FERMT1: variants seen among roughly 807,000 people sequenced by gnomAD.
FERMT1 encodes fermitin family homolog 1.
Under a neutral mutation model 85.3 loss-of-function variants are expected in FERMT1, and 60 were observed. The ratio of observed to expected loss-of-function variants is 0.70; its 90% CI spans 0.57 to 0.87. FERMT1 has a LOEUF of 0.87. FERMT1 is among the 40% of genes least tolerant of loss of function. The pLI, the probability that FERMT1 is intolerant of heterozygous loss-of-function variation, is 0.00. For synonymous variants in FERMT1, 275 were observed against 301.1 expected (o/e 0.91, Z 0.90); for missense variants, 701 against 818.9 (o/e 0.86, Z 1.76).
rs953752873 is a variant in FERMT1 at position 6,104,180 on chromosome 20, A to G, written c.849+3352T>C. On this transcript the variant is annotated intron_variant, in intron 6 of 14. Coordinates refer to ENST00000217289, the MANE Select transcript of FERMT1 (RefSeq NM_017671.5). The surrounding 1 kb of genome is among the most constrained non-coding windows in gnomAD (Gnocchi z 4.2). ...GCCCCTGCGCCCGGCTGAGTCTATT[A>G]TTTTTGAAATGTTGAATTCTAGCAT... Among the ~76,000 whole-genome samples, 4 of 152,084 alleles carry G rather than the reference A, an allele frequency of 2.6e-5. No individual in the cohort carries two copies. Among genetic ancestry groups the G allele is most frequent in the Admixed American group, 1.3e-4 (2 of 15,256 alleles).
In FERMT1 at chr20:6,097,540, A is replaced by G. The variant is rs753075905; in HGVS notation, c.941T>C (p.Ile314Thr). 1.7e-5 allele frequency: 27 copies of G among 1,612,992 alleles called. No homozygotes were observed. The East Asian group carries it at 6.0e-4, about 36-fold the overall frequency. Residue 314 changes from isoleucine (I) to threonine (T), a missense_variant, in exon 7 of 15, where the codon ATC becomes ACC. By Grantham distance (89) the Ile-to-Thr change is moderately conservative (BLOSUM62 -1). Transcript: ENST00000217289. ...EIDCTEEEML[I>T]FAALQYHISK... The stretch of plus-strand genomic sequence containing the variant: ...TTCCCATACCTGTAGAGCTGCAAAG[A>G]TCAACATTTCTTCCTCTGTGCAATC...
intron 2 of FERMT1, among the ~76,000 whole-genome samples, chr20:6,117,777 C>T (rs1983146282): frequency 6.9e-6 from 1 of 145,694 alleles, no homozygotes; most frequent in African/African-American, 2.6e-5. Context: ...GAACTCCTGA[C>T]CTCAGGTGAT....
Position 6,094,947 on chromosome 20 carries a change from T to C in FERMT1, c.1131A>G (p.Lys377=), listed in dbSNP as rs2123115359. 1 of 1,513,700 alleles carries C rather than the reference T, an allele frequency of 6.6e-7. No individual in the cohort carries two copies. Among genetic ancestry groups the C allele is most frequent in the Non-Finnish European group, 9.2e-7 (1 of 1,088,496 alleles). 93.8% of individuals were successfully genotyped at this position (1,513,700 alleles called of 1,614,324 possible). Residue 377 remains lysine (K), a synonymous_variant, in exon 9 of 15, where the codon AAA becomes AAG. Transcript: ENST00000217289. ...TDIPKLADNL[K]LFRPKKLLPK... is the part of the protein sequence containing the mutation. The stretch of plus-strand genomic sequence containing the variant: ...CATAAAAGTTTACTTACCTAAATAA[T>C]TTGAGATTATCTGCAAGTTTAGGGA...
At chr20:6,110,688 G>C (rs1331772915) in intron 4 of FERMT1, among the ~76,000 whole-genome samples, 177 bp from the exon 5 acceptor site, 2 of 152,278 alleles carry the variant, frequency 1.3e-5, no homozygotes, top group East Asian at 3.9e-4. Context: ...CTACTTGGGA[G>C]GCTGAGGTTG....
rs368493929 is a variant in FERMT1 at position 6,076,922 on chromosome 20, G to C, written c.*251C>G. 39 of 541,410 alleles carry C rather than the reference G, an allele frequency of 7.2e-5. No homozygotes were observed. The highest frequency in any genetic ancestry group is 5.9e-4 in the South Asian group (29 of 48,950). 33.5% of individuals were successfully genotyped at this position (541,410 alleles called of 1,614,324 possible). A position where few individuals can be genotyped will look rare whatever the true frequency, so the allele number is the denominator to read the frequency against. On this transcript the variant is annotated 3_prime_UTR_variant, in exon 15 of 15. Transcript: ENST00000217289. ...ATGCTGGGCCTTAGAGCAATCTTAG[G>C]GCACCTGCTTTTCTCCTGCCTACCC... is the stretch of plus-strand genomic sequence containing the variant.
At chr20:6,085,611 A>G (rs938744174) in intron 11 of FERMT1, among the ~76,000 whole-genome samples, 3 of 152,010 alleles carry the variant, frequency 2.0e-5, no homozygotes, top group African/African-American at 7.3e-5. Flanking sequence ...CAACTTTGGG[A>G]GGTTGAGGTG....
chr20:6,095,945 T>C (rs1982487497), intron 8 of FERMT1, among the ~76,000 whole-genome samples: 1 of 152,242 alleles, frequency 6.6e-6, no homozygotes, highest in Non-Finnish European at 1.5e-5. Context: ...TTCAATGTGA[T>C]TAATAATTAT....
chr20:6,079,235 A>G (rs987188444), intron 14 of FERMT1, among the ~76,000 whole-genome samples: 4 of 152,252 alleles, frequency 2.6e-5, no homozygotes, highest in African/African-American at 2.4e-5. Context: ...TTGCAGTGCT[A>G]ATGCAAGAGC....
Position 6,110,529 on chromosome 20 carries a change from C to A in FERMT1, c.533-18G>T. 1 of 1,567,052 alleles carries A rather than the reference C, an allele frequency of 6.4e-7. No individual in the cohort carries two copies. The highest frequency in any genetic ancestry group is 1.1e-5 in the South Asian group (1 of 90,164). ...AGGACTTACTGCAAGGCAGGGGGATCAAGAACTATGATATGAGAATCCAGG... is the reference window on the plus strand; with the variant it reads ...AGGACTTACTGCAAGGCAGGGGGATAAAGAACTATGATATGAGAATCCAGG... On this transcript the variant is annotated intron_variant, in intron 4 of 14. Transcript: ENST00000217289.
At chr20:6,111,573 A>C (rs1478243871) in intron 4 of FERMT1, among the ~76,000 whole-genome samples, 2 of 152,140 alleles carry the variant, frequency 1.3e-5, no homozygotes, top group African/African-American at 2.4e-5. Context: ...CAGAGGCTGC[A>C]ATGAGCCGAG....
intron 10 of FERMT1, among the ~76,000 whole-genome samples, chr20:6,088,484 C>T (rs539103992): frequency 3.9e-5 from 6 of 152,306 alleles, no homozygotes; most frequent in African/African-American, 9.6e-5. Context: ...GTTTACTAGA[C>T]TGCATTCAAG....
At position 6,075,938 on chromosome 20, in the gene FERMT1, C is replaced by T. The variant is rs1455662550; in HGVS notation, c.*1235G>A. On this transcript the variant is annotated 3_prime_UTR_variant, in exon 15 of 15. Transcript: ENST00000217289. ...CAAACCAAAATGGAAAATGACAATT[C>T]AGGCAGCTGTTAATTGGCTCACTCT... 2.0e-5 allele frequency: 3 copies of T among 152,148 alleles called. No homozygotes were observed. Among genetic ancestry groups the T allele is most frequent in the Admixed American group, 2.0e-4 (3 of 15,270 alleles). The allele number at this position is 152,148 out of a possible 1,614,324, so 9.4% of individuals were successfully genotyped here. A position where few individuals can be genotyped will look rare whatever the true frequency, so the allele number is the denominator to read the frequency against.
At chr20:6,078,569 C>T (rs955257550) in intron 14 of FERMT1, among the ~76,000 whole-genome samples, 2 of 151,934 alleles carry the variant, frequency 1.3e-5, no homozygotes, top group Admixed American at 6.6e-5. Flanking sequence ...CGAACCTCAA[C>T]TGATCATCCC....
chr20:6,086,956 C>A (rs6085393), intron 11 of FERMT1, among the ~76,000 whole-genome samples: 8 of 151,908 alleles, frequency 5.3e-5, no homozygotes, highest in Non-Finnish European at 1.0e-4. Flanking sequence ...CCACAACCTT[C>A]GCCATATAAC....
intron 11 of FERMT1, among the ~76,000 whole-genome samples, chr20:6,086,130 G>A (rs1420080195): frequency 1.4e-5 from 2 of 147,590 alleles, no homozygotes; most frequent in Non-Finnish European, 3.0e-5. Flanking sequence ...GACAGAGCGA[G>A]ACTCCATCTC....
chr20:6,099,502 CAA>C (rs1230688940), intron 6 of FERMT1, among the ~76,000 whole-genome samples: 1 of 149,212 alleles, frequency 6.7e-6, no homozygotes, highest in African/African-American at 2.5e-5. Context: ...TACAAAAAAA[CAA>C]ATACTGGATG....
chr20:6,095,059 C>T, intron 8 of FERMT1, 71 bp from the exon 9 acceptor site: 3 of 828,742 alleles, frequency 3.6e-6, no homozygotes, highest in Non-Finnish European at 6.4e-6. Context: ...CCTGCACTGT[C>T]TAATATGGCA....
chr20:6,110,624 A>G, intron 4 of FERMT1, 113 bp from the exon 5 acceptor site: 1 of 873,660 alleles, frequency 1.1e-6, no homozygotes. Flanking sequence ...ATTTGGCACC[A>G]TTTAAAATAA....
intron 13 of FERMT1, among the ~76,000 whole-genome samples, chr20:6,080,923 A>C (rs538214177): frequency 6.6e-6 from 1 of 152,342 alleles, no homozygotes; most frequent in South Asian, 2.1e-4. Flanking sequence ...AGTAATTGGC[A>C]TATAAATGAA....
Sources: gnomAD v4.1 joint callset for allele counts (sites outside exome capture counted in the v4.1 genomes callset) on GRCh38, gnomAD v4.1.1 for gene constraint, Gnocchi (gnomAD v3.1) non-coding constraint, MANE v1.5 for transcripts, NCBI Gene and HGNC (gene_info 2026-07-23, HGNC 2026-07-21) for gene names.